Variants in ASAP3 observed in about 807,000 individuals in gnomAD.
ASAP3 encodes the protein arf-GAP with SH3 domain, ANK repeat and PH domain-containing protein 3.
In ASAP3, 85 loss-of-function variants were observed where a neutral mutation model predicts 118.2. That is an observed-to-expected ratio of 0.72 (90% CI 0.60 to 0.86). The LOEUF is 0.86. Among genes scored for constraint, ASAP3 ranks in the 40% least tolerant of loss-of-function variants. The pLI is 0.00. For missense variants in ASAP3, 1,026 were observed against 1,175.0 expected (o/e 0.87, Z 1.85); for synonymous variants, 432 against 477.4 (o/e 0.90, Z 1.24).
At position 23,456,620 on chromosome 1, in the gene ASAP3, A is replaced by G. The variant is rs75277978; in HGVS notation, c.130-426T>C. On this transcript the variant is annotated intron_variant, in intron 1 of 24. Coordinates refer to ENST00000336689, the MANE Select transcript of ASAP3 (RefSeq NM_017707.4). ...CTAGGGGACTTGTGGAGTTGCTGAG[A>G]AGATGAATGATTTGTAAATATGTAC... 5.5e-3 allele frequency among the ~76,000 whole-genome samples: 840 copies of G among 152,326 alleles called. 16 individuals are homozygous for G. The highest frequency in any genetic ancestry group is 0.031 in the Admixed American group (478 of 15,300).
intron 17 of ASAP3, 44 bp from the exon 18 acceptor site, chr1:23,434,662 C>T (rs1364617610): frequency 6.3e-7 from 1 of 1,575,082 alleles, no homozygotes; most frequent in Non-Finnish European, 8.7e-7. Context: ...CCCAGTGCAC[C>T]TGCCTCCAAC....
chr1:23,457,164 A>T (rs770132519), intron 1 of ASAP3, among the ~76,000 whole-genome samples: 1 of 152,134 alleles, frequency 6.6e-6, no homozygotes, highest in Non-Finnish European at 1.5e-5. Context: ...CCTTACCGAG[A>T]GACACATGGT....
chr1:23,475,081 T>C (rs570995371), intron 1 of ASAP3, among the ~76,000 whole-genome samples: 116 of 152,358 alleles, frequency 7.6e-4, no homozygotes, highest in Non-Finnish European at 1.2e-3. Context: ...ACTTCCTCAC[T>C]GCACAGGTCT....
In ASAP3 at chr1:23,441,179, G is replaced by GC; in HGVS notation, c.866dup (p.Tyr290LeufsTer2). On this transcript the variant is annotated frameshift_variant, in exon 10 of 25. Transcript: ENST00000336689. LOFTEE classifies it high-confidence loss of function. Reference sequence around the variant, plus strand: ...TGCCTTGGTGCTGGTGGATGCTATAGCCACATCCTGAGTTCTTCCGGCTCA... The same window carrying GC: ...TGCCTTGGTGCTGGTGGATGCTATAGCCCACATCCTGAGTTCTTCCGGCTCA... 1 of 1,614,210 alleles carries GC rather than the reference G, an allele frequency of 6.2e-7. No homozygotes were observed. Among genetic ancestry groups the GC allele is most frequent in the Non-Finnish European group, 8.5e-7 (1 of 1,180,042 alleles).
chr1:23,465,630 T>A (rs1443301725), intron 1 of ASAP3, among the ~76,000 whole-genome samples: 2 of 151,964 alleles, frequency 1.3e-5, no homozygotes, highest in Non-Finnish European at 2.9e-5. Context: ...GCCTCCTGAG[T>A]AGCTGGGTTT....
intron 1 of ASAP3, among the ~76,000 whole-genome samples, chr1:23,463,364 G>C (rs980160355): frequency 1.6e-4 from 12 of 74,678 alleles, no homozygotes; most frequent in African/African-American, 3.1e-4. Flanking sequence ...AAGAAATGCA[G>C]GTTTTTTTTT....
In ASAP3 at chr1:23,437,132, G is replaced by T; in HGVS notation, c.1340C>A (p.Ala447Glu). Residue 447 changes from alanine (A) to glutamate (E), a missense_variant and splice_region_variant, in exon 14 of 25, where the codon GCA becomes GAA. Physicochemically the swap from Ala to Glu is moderately radical, Grantham distance 107. Coordinates refer to ENST00000336689, the MANE Select transcript of ASAP3 (RefSeq NM_017707.4). The surrounding 1 kb of genome is among the most constrained non-coding windows in gnomAD (Gnocchi z 6.1). ...CTGCCCCGGCCCCGGGGACCGACCTGCAGCCCCGCAGTCGCAGCACTGGCT... is the reference window on the plus strand; with the variant it reads ...CTGCCCCGGCCCCGGGGACCGACCTTCAGCCCCGCAGTCGCAGCACTGGCT... ...GNSQCCDCGA[A>E]DPTWLSTNLG... The T allele has an allele frequency of 6.2e-7, 1 of 1,603,476 alleles. No homozygotes were observed. Among genetic ancestry groups the T allele is most frequent in the Admixed American group, 1.7e-5 (1 of 59,000 alleles).
intron 1 of ASAP3, among the ~76,000 whole-genome samples, chr1:23,460,568 A>T (rs889992995): frequency 1.3e-5 from 2 of 151,778 alleles, no homozygotes; most frequent in African/African-American, 4.8e-5. Flanking sequence ...TAAATAAATA[A>T]CCCCAAAACA....
upstream of ASAP3, chr1:23,484,446 C>T: frequency 5.0e-6 from 1 of 198,238 alleles, no homozygotes; most frequent in Non-Finnish European, 9.9e-6. Context: ...CCGCCTCAGA[C>T]CCCGCCCCCT....
At chr1:23,434,719 G>T in intron 17 of ASAP3, 101 bp from the exon 18 acceptor site, 1 of 1,161,898 alleles carries the variant, frequency 8.6e-7, no homozygotes, top group East Asian at 2.6e-5. Flanking sequence ...TCCCCCCATA[G>T]GAAGCTGCCA....
intron 7 of ASAP3, 114 bp from the exon 8 acceptor site, chr1:23,441,844 G>A: frequency 9.0e-7 from 1 of 1,117,166 alleles, no homozygotes; most frequent in South Asian, 1.4e-5. Context: ...GGGAATTGTA[G>A]TCTGACGGTC....
intron 1 of ASAP3, among the ~76,000 whole-genome samples, chr1:23,482,542 T>C (rs1463194681): frequency 6.6e-6 from 1 of 151,824 alleles, no homozygotes; most frequent in Non-Finnish European, 1.5e-5. Context: ...ATGCATGCTT[T>C]ATATGCATTG....
chr1:23,483,593 G>T (rs1178172075), intron 1 of ASAP3, among the ~76,000 whole-genome samples: 1 of 152,126 alleles, frequency 6.6e-6, no homozygotes, highest in Non-Finnish European at 1.5e-5. Context: ...CTCTGCAGCC[G>T]GGGGGAAGAA....
chr1:23,470,303 A>G (rs1378597249), intron 1 of ASAP3, among the ~76,000 whole-genome samples: 1 of 152,140 alleles, frequency 6.6e-6, no homozygotes, highest in African/African-American at 2.4e-5. Context: ...AAAGACTCCA[A>G]ATGGTTTTCC....
intron 17 of ASAP3, chr1:23,435,647 C>A: frequency 1.6e-6 from 1 of 642,142 alleles, no homozygotes; most frequent in Non-Finnish European, 2.8e-6. Context: ...TGCCCTAGAT[C>A]ACACAGCTAG....
rs371147322 is a variant in ASAP3 at position 23,433,409 on chromosome 1, C to T, written c.2127+16G>A. ...TTCTGCCATCCAGAGGCCTGAGGGA[C>T]AGGGCTGGGACCCACCTTCTCTTCC... is the stretch of plus-strand genomic sequence containing the variant. On this transcript the variant is annotated intron_variant, in intron 21 of 24. Transcript: ENST00000336689. 3.1e-6 allele frequency: 5 copies of T among 1,614,044 alleles called. No homozygotes were observed. In the African/African-American group the frequency reaches 5.3e-5, roughly 17 times the overall value.
intron 1 of ASAP3, among the ~76,000 whole-genome samples, chr1:23,470,064 C>T (rs1198836507): frequency 4.6e-5 from 7 of 152,162 alleles, no homozygotes; most frequent in Non-Finnish European, 7.4e-5. Context: ...AGACCAAGAG[C>T]CCTGAACTGG....
chr1:23,467,279 T>C (rs990867623), intron 1 of ASAP3, among the ~76,000 whole-genome samples: 2 of 150,904 alleles, frequency 1.3e-5, no homozygotes, highest in Admixed American at 6.6e-5. Context: ...CTCGGCTCAC[T>C]GCAAGCTCCA....
chr1:23,442,816 G>A (rs749949162), intron 5 of ASAP3, among the ~76,000 whole-genome samples: 10 of 152,180 alleles, frequency 6.6e-5, no homozygotes, highest in East Asian at 1.9e-4. Flanking sequence ...TCACAGCCAC[G>A]CAGAGAACTA....
Sources: gnomAD v4.1 joint callset for allele counts (sites outside exome capture counted in the v4.1 genomes callset) on GRCh38, gnomAD v4.1.1 for gene constraint, Gnocchi (gnomAD v3.1) non-coding constraint, MANE v1.5 for transcripts, NCBI Gene and HGNC (gene_info 2026-07-23, HGNC 2026-07-21) for gene names.